Variants in CACNA2D3 observed in about 807,000 individuals in gnomAD.
CACNA2D3 encodes the protein calcium voltage-gated channel auxiliary subunit alpha2delta 3.
CACNA2D3 carries 60 observed loss-of-function variants against 160.6 expected under a neutral mutation model. That is an observed-to-expected ratio of 0.37 (90% CI 0.30 to 0.46). CACNA2D3 has a LOEUF of 0.46. Among genes scored for constraint, CACNA2D3 ranks in the 20% least tolerant of loss-of-function variants. The probability of loss-of-function intolerance (pLI) is 1.00; values close to 1 mark genes in which losing one functional copy is unlikely to be tolerated. For synonymous variants in CACNA2D3, 558 were observed against 492.9 expected, an observed-to-expected ratio of 1.13 and a Z score of -1.75; for missense variants, 1,205 against 1,365.0, an observed-to-expected ratio of 0.88 and a Z score of 1.85.
chr3:55,041,609 T>C (rs1703962005), intron 35 of CACNA2D3, among the ~76,000 whole-genome samples: 1 of 152,122 alleles, frequency 6.6e-6, no homozygotes, highest in African/African-American at 2.4e-5. Flanking sequence ...TTTGCTTTTT[T>C]CAAAAAATCA....
intron 3 of CACNA2D3, among the ~76,000 whole-genome samples, chr3:54,320,978 C>A (rs1703975545): frequency 6.6e-6 from 1 of 152,156 alleles, no homozygotes; most frequent in African/African-American, 2.4e-5. Context: ...ATGAGTGTGT[C>A]ATAATTGATA....
intron 31 of CACNA2D3, among the ~76,000 whole-genome samples, chr3:54,998,388 C>T (rs1702905023): frequency 6.6e-6 from 1 of 152,196 alleles, no homozygotes; most frequent in Admixed American, 6.5e-5. Context: ...CCCACCTTGG[C>T]TTCTCAAAGT....
intron 27 of CACNA2D3, among the ~76,000 whole-genome samples, chr3:54,905,282 A>G (rs1453269249): frequency 6.6e-6 from 1 of 152,238 alleles, no homozygotes; most frequent in African/African-American, 2.4e-5. Context: ...GGAAGATCCC[A>G]TTTAACCAGC....
chr3:54,276,068 C>A (rs1160183391), intron 2 of CACNA2D3, among the ~76,000 whole-genome samples: 1 of 152,170 alleles, frequency 6.6e-6, no homozygotes, highest in Non-Finnish European at 1.5e-5. Flanking sequence ...TGGATTCTTT[C>A]TCTGACATCC....
At position 54,809,266 on chromosome 3, in the gene CACNA2D3, T is replaced by G. The variant is rs908683664; in HGVS notation, c.1381-7587T>G. The stretch of plus-strand genomic sequence containing the variant: ...CCTCTCTCTTCCTTTCTTCCTTCCT[T>G]CCTTTATCTCTTTCTTCTCTCTTTC... On this transcript the variant is annotated intron_variant, in intron 13 of 37. Coordinates refer to ENST00000474759, the MANE Select transcript of CACNA2D3 (RefSeq NM_018398.3). Among the ~76,000 whole-genome samples, 5 of 148,044 alleles carry G rather than the reference T, an allele frequency of 3.4e-5. No individual in the cohort carries two copies. In the East Asian group the frequency reaches 9.9e-4, roughly 29 times the overall value.
chr3:54,687,122 TTTTTTTTTTTTTG>T (rs1559549367), intron 11 of CACNA2D3, among the ~76,000 whole-genome samples: 10 of 22,372 alleles, frequency 4.5e-4, no homozygotes, highest in South Asian at 1.0e-3. Flanking sequence ...TTTCTTTTTC[TTTTTTTTTTTTTG>T]TTTTTTTTTT....
rs1030943367 is a variant in CACNA2D3, at chr3:54,863,973, C to T, written c.1627-7566C>T. Among the ~76,000 whole-genome samples, 3 of 152,278 alleles carry T rather than the reference C, an allele frequency of 2.0e-5. No individual in the cohort carries two copies. In the South Asian group the frequency reaches 6.2e-4, roughly 32 times the overall value. On this transcript the variant is annotated intron_variant, in intron 17 of 37. Coordinates refer to ENST00000474759, the MANE Select transcript of CACNA2D3 (RefSeq NM_018398.3). ...TCTGCAGTATATCTGGGCTTCTCATCTTTCCGTGACATGTAAGATTACATC... is the reference window on the plus strand; with the variant it reads ...TCTGCAGTATATCTGGGCTTCTCATTTTTCCGTGACATGTAAGATTACATC...
chr3:55,038,056 C>T (rs961552880), intron 35 of CACNA2D3, among the ~76,000 whole-genome samples: 9 of 152,118 alleles, frequency 5.9e-5, no homozygotes, highest in African/African-American at 1.7e-4. Context: ...TTAGGACTCT[C>T]TCTCTCTTTC....
intron 2 of CACNA2D3, among the ~76,000 whole-genome samples, chr3:54,124,734 T>C (rs569367981): frequency 6.6e-6 from 1 of 152,366 alleles, no homozygotes; most frequent in South Asian, 2.1e-4. Context: ...AAAGTTATTA[T>C]GGTTTAAAAA....
chr3:54,871,855 A>G (rs1275938817), intron 18 of CACNA2D3, among the ~76,000 whole-genome samples: 1 of 152,192 alleles, frequency 6.6e-6, no homozygotes, highest in Non-Finnish European at 1.5e-5. Context: ...GCAGTCTACT[A>G]AAACCATCCC....
chr3:54,700,679 A>G (rs763901762), intron 11 of CACNA2D3, among the ~76,000 whole-genome samples: 12 of 152,210 alleles, frequency 7.9e-5, no homozygotes, highest in Non-Finnish European at 1.5e-4. Context: ...CAGTTGGTAG[A>G]AGAATGGTAA....
At chr3:54,601,810 A>G (rs6765694) in intron 9 of CACNA2D3, among the ~76,000 whole-genome samples, 63,371 of 151,646 alleles carry the variant, frequency 0.42, 13,545 homozygotes, top group South Asian at 0.56. Flanking sequence ...GAGTTAAAAT[A>G]TTAAATAATT....
At chr3:54,644,221 G>A (rs545938161) in intron 11 of CACNA2D3, among the ~76,000 whole-genome samples, 6 of 152,096 alleles carry the variant, frequency 3.9e-5, no homozygotes, top group Admixed American at 6.5e-5. Context: ...GGCCAGATGC[G>A]TTCTTGGATT....
intron 4 of CACNA2D3, among the ~76,000 whole-genome samples, chr3:54,402,449 AT>A (rs1559471710): frequency 6.6e-6 from 1 of 152,204 alleles, no homozygotes; most frequent in African/African-American, 2.4e-5. Flanking sequence ...AAGATATTGC[AT>A]GCAAATGGCA....
rs548233026 is a variant in CACNA2D3 at position 54,252,100 on chromosome 3, G to GTTTTTTTTTTTTT, written c.205-68340_205-68328dup. Among the ~76,000 whole-genome samples the GTTTTTTTTTTTTT allele has an allele frequency of 5.6e-3, 680 of 120,914 alleles. 82 individuals carry two copies. The highest frequency in any genetic ancestry group is 0.02 in the African/African-American group (583 of 29,162). The allele number at this position is 120,914 out of a possible 152,430, so 79.3% of individuals were successfully genotyped here. ...TCCAATTTCTCTTTTTGCAGAGCTA[G>GTTTTTTTTTTTTT]TTTTTTTTTTTTTTGTACGATACTC... On this transcript the variant is annotated intron_variant, in intron 2 of 37. Coordinates refer to ENST00000474759, the MANE Select transcript of CACNA2D3 (RefSeq NM_018398.3).
chr3:54,208,914 C>T (rs895347377), intron 2 of CACNA2D3, among the ~76,000 whole-genome samples: 1 of 151,998 alleles, frequency 6.6e-6, no homozygotes, highest in Non-Finnish European at 1.5e-5. Context: ...GCCTCACAAA[C>T]ATGGTGGAAG....
intron 27 of CACNA2D3, among the ~76,000 whole-genome samples, chr3:54,943,711 T>G (rs535864214): frequency 1.3e-5 from 2 of 152,178 alleles, no homozygotes; most frequent in South Asian, 2.1e-4. Context: ...ATGTTTGGTA[T>G]TTCTGCCTAT....
At chr3:54,561,330 T>A (rs1418509162) in intron 5 of CACNA2D3, among the ~76,000 whole-genome samples, 1 of 152,226 alleles carries the variant, frequency 6.6e-6, no homozygotes, top group Non-Finnish European at 1.5e-5. Flanking sequence ...TTATTCTTTT[T>A]GTGGCAGTTG....
At chr3:54,981,025 A>G (rs1157480341) in intron 29 of CACNA2D3, among the ~76,000 whole-genome samples, 2 of 152,224 alleles carry the variant, frequency 1.3e-5, no homozygotes, top group East Asian at 1.9e-4. Context: ...CATACAACAC[A>G]TATAAATACA....
Sources: allele counts gnomAD v4.1 joint callset (sites outside exome capture counted in the v4.1 genomes callset), GRCh38; gene constraint gnomAD v4.1.1; transcripts MANE v1.5; gene names NCBI Gene and HGNC (gene_info 2026-07-23, HGNC 2026-07-21).